Variants in LHFPL3 observed in about 807,000 individuals in gnomAD.
LHFPL3 encodes LHFPL tetraspan subfamily member 3.
A neutral mutation model predicts 19.3 loss-of-function variants in LHFPL3; 5 were observed. The observed-to-expected ratio is 0.26, with a 90% CI of 0.14 to 0.54. The LOEUF is 0.54. Ranked by LOEUF, LHFPL3 falls within the 20% of genes least tolerant of loss-of-function variation. The pLI, the probability that LHFPL3 is intolerant of heterozygous loss-of-function variation, is 0.94. For missense variants in LHFPL3, 249 were observed against 307.4 expected (o/e 0.81, Z 1.42); for synonymous variants, 133 against 126.2 (o/e 1.05, Z -0.36).
chr7:104,518,146 C>A (rs1793958622), intron 1 of LHFPL3, among the ~76,000 whole-genome samples: 1 of 152,044 alleles, frequency 6.6e-6, no homozygotes, highest in Admixed American at 6.6e-5. Flanking sequence ...AACACTAAAC[C>A]ACTTTGATAA....
intron 1 of LHFPL3, among the ~76,000 whole-genome samples, chr7:104,452,697 T>C (rs892788417): frequency 2.0e-5 from 3 of 152,238 alleles, no homozygotes; most frequent in African/African-American, 7.2e-5. Flanking sequence ...GTGAATTACC[T>C]GCTTATACTC....
intron 1 of LHFPL3, among the ~76,000 whole-genome samples, chr7:104,456,699 G>A (rs1792548203): frequency 1.3e-5 from 2 of 152,124 alleles, no homozygotes; most frequent in South Asian, 4.2e-4. Context: ...GTACTTTGGT[G>A]CCCTAAATAA....
chr7:104,725,548 G>C (rs574336929), intron 1 of LHFPL3, among the ~76,000 whole-genome samples: 17 of 152,112 alleles, frequency 1.1e-4, no homozygotes, highest in Non-Finnish European at 1.9e-4. Flanking sequence ...ATCCTGAGAG[G>C]TGTTTTTTTG....
intron 2 of LHFPL3, chr7:104,796,374 G>A (rs1790127011): frequency 6.6e-6 from 1 of 152,234 alleles, no homozygotes; most frequent in African/African-American, 2.4e-5. Context: ...GCATTAGTGT[G>A]GAGGTGGCCA....
intron 1 of LHFPL3, among the ~76,000 whole-genome samples, chr7:104,436,575 T>A (rs1792109803): frequency 6.6e-6 from 1 of 152,240 alleles, no homozygotes; most frequent in African/African-American, 2.4e-5. Context: ...CTTTGTGATA[T>A]AGCAATCTGA....
chr7:104,900,690 G>GAA (rs1792465710), intron 2 of LHFPL3, among the ~76,000 whole-genome samples: 1 of 152,192 alleles, frequency 6.6e-6, no homozygotes, highest in African/African-American at 2.4e-5. Context: ...TTCAACATCT[G>GAA]TAAACACGTG....
At chr7:104,885,031 T>A (rs1792123223) in intron 2 of LHFPL3, among the ~76,000 whole-genome samples, 1 of 152,168 alleles carries the variant, frequency 6.6e-6, no homozygotes, top group Non-Finnish European at 1.5e-5. Flanking sequence ...AATATCCCCA[T>A]CCTCATAGCA....
intron 2 of LHFPL3, among the ~76,000 whole-genome samples, chr7:104,792,519 G>A (rs554862997): frequency 7.9e-5 from 12 of 152,206 alleles, no homozygotes; most frequent in Middle Eastern, 3.4e-3. Flanking sequence ...ACAGTTCCTC[G>A]AGACTGCTGC....
chr7:104,571,706 C>A (rs28709497), intron 1 of LHFPL3, among the ~76,000 whole-genome samples: 4,525 of 152,252 alleles, frequency 0.03, 231 homozygotes, highest in African/African-American at 0.1. Flanking sequence ...ACACATATTT[C>A]ATTCCTTTTT....
At chr7:104,875,351 C>T (rs564452208) in intron 2 of LHFPL3, among the ~76,000 whole-genome samples, 15 of 152,318 alleles carry the variant, frequency 9.8e-5, no homozygotes, top group African/African-American at 3.4e-4. Flanking sequence ...TCCTCACACC[C>T]TCCAGCCACC....
chr7:104,708,239 A>G (rs1024911424), intron 1 of LHFPL3, among the ~76,000 whole-genome samples: 15 of 152,256 alleles, frequency 9.9e-5, no homozygotes, highest in African/African-American at 3.4e-4. Context: ...TGTATGAAGT[A>G]TCCTCATCCA....
intron 1 of LHFPL3, among the ~76,000 whole-genome samples, chr7:104,392,720 TC>T (rs1270055313): frequency 2.0e-5 from 3 of 152,144 alleles, no homozygotes; most frequent in African/African-American, 4.8e-5. Flanking sequence ...TAGGGAGGAT[TC>T]CCTTTTTTTC....
chr7:104,547,098 C>T (rs1794588869), intron 1 of LHFPL3, among the ~76,000 whole-genome samples: 2 of 76,630 alleles, frequency 2.6e-5, no homozygotes, highest in African/African-American at 4.4e-5. Flanking sequence ...TAGCCGGGCG[C>T]GGTGGCGGGC....
chr7:104,742,098 G>A (rs1398208241), intron 2 of LHFPL3, among the ~76,000 whole-genome samples: 12 of 152,106 alleles, frequency 7.9e-5, no homozygotes, highest in Non-Finnish European at 8.8e-5. Flanking sequence ...TAAAATTAAA[G>A]TTTCATCCAG....
intron 1 of LHFPL3, among the ~76,000 whole-genome samples, chr7:104,503,176 T>C (rs1053106491): frequency 3.3e-5 from 5 of 151,876 alleles, no homozygotes; most frequent in African/African-American, 1.2e-4. Flanking sequence ...TTAAGCTTTA[T>C]AAGATAGTAG....
intron 1 of LHFPL3, among the ~76,000 whole-genome samples, chr7:104,365,758 G>C (rs1186448190): frequency 8.6e-6 from 1 of 116,248 alleles, no homozygotes; most frequent in Non-Finnish European, 1.9e-5. Flanking sequence ...TCCGCAGTCC[G>C]GCCTGGGCGA....
rs374748081 is a variant in LHFPL3 at position 104,657,320 on chromosome 7, G to A, written c.446-79355G>A. On this transcript the variant is annotated intron_variant, in intron 1 of 2. Transcript: ENST00000424859. Reference sequence around the variant, plus strand: ...AAGCCTGCTTCCCAAGGCAGGTTAAGCCTGCTTATCAGTAGTATCAGCTAT... The same window carrying A: ...AAGCCTGCTTCCCAAGGCAGGTTAAACCTGCTTATCAGTAGTATCAGCTAT... 7.9e-4 allele frequency among the ~76,000 whole-genome samples: 121 copies of A among 152,358 alleles called. 2 individuals are homozygous for A. In the South Asian group the frequency reaches 0.024, roughly 30 times the overall value.
At position 104,862,517 on chromosome 7, in the gene LHFPL3, G is replaced by A. The variant is rs144363782; in HGVS notation, c.683-43670G>A. Among the ~76,000 whole-genome samples the A allele has an allele frequency of 2.6e-5, 4 of 152,320 alleles. No homozygotes were observed. In the South Asian group the frequency reaches 6.2e-4, roughly 24 times the overall value. On this transcript the variant is annotated intron_variant, in intron 2 of 2. Transcript: ENST00000424859. ...GGGATGCTCTGATAGAGCTGCATTTGAATTCAGCTTTCTCTGACCTCAAGC... is the reference window on the plus strand; with the variant it reads ...GGGATGCTCTGATAGAGCTGCATTTAAATTCAGCTTTCTCTGACCTCAAGC...
At position 104,907,266 on chromosome 7, in the gene LHFPL3, T is replaced by C. The variant is rs1486456291; in HGVS notation, c.*1051T>C. 2 of 152,574 alleles carry C rather than the reference T, an allele frequency of 1.3e-5. No individual in the cohort carries two copies. 9.5% of individuals were successfully genotyped at this position (152,574 alleles called of 1,614,324 possible). A position where few individuals can be genotyped will look rare whatever the true frequency, so the allele number is the denominator to read the frequency against. ...TTTTTAAAAATCATTCCATTAAACA[T>C]ATTTCTAAATAATAGTAAGTGGTAC... On this transcript the variant is annotated 3_prime_UTR_variant, in exon 3 of 3. Transcript: ENST00000424859.
Sources: allele counts gnomAD v4.1 joint callset (sites outside exome capture counted in the v4.1 genomes callset), GRCh38; gene constraint gnomAD v4.1.1; transcripts MANE v1.5; gene names NCBI Gene and HGNC (gene_info 2026-07-23, HGNC 2026-07-21).